The following NRXN3 variants were observed in gnomAD, a reference collection of about 807,000 sequenced individuals.
NRXN3 encodes the protein neurexin III.
A neutral mutation model predicts 137.6 loss-of-function variants in NRXN3; 32 were observed. The ratio of observed to expected loss-of-function variants is 0.23; its 90% CI spans 0.18 to 0.31. NRXN3 has a LOEUF of 0.31. NRXN3 is among the 10% of genes least tolerant of loss of function. The pLI is 1.00. For missense variants in NRXN3, 1,574 were observed against 2,062.5 expected, an observed-to-expected ratio of 0.76 and a Z score of 4.59; for synonymous variants, 798 against 784.5, an observed-to-expected ratio of 1.02 and a Z score of -0.29.
intron 10 of NRXN3, among the ~76,000 whole-genome samples, chr14:78,870,322 G>C (rs2099098200): frequency 6.6e-6 from 1 of 152,164 alleles, no homozygotes; most frequent in Non-Finnish European, 1.5e-5. Flanking sequence ...TGGCTGATCT[G>C]ATTATAAGAA....
At chr14:79,745,641 A>G (rs2154083390) in intron 19 of NRXN3, among the ~76,000 whole-genome samples, 1 of 152,200 alleles carries the variant, frequency 6.6e-6, no homozygotes, top group African/African-American at 2.4e-5. Context: ...TTAGTTTCCT[A>G]GGGCTTCTGT....
At chr14:78,461,361 T>C (rs1170641663) in intron 4 of NRXN3, among the ~76,000 whole-genome samples, 1 of 151,466 alleles carries the variant, frequency 6.6e-6, no homozygotes, top group African/African-American at 2.4e-5. Flanking sequence ...TAATCTCAAG[T>C]CTAGGGGTTT....
chr14:78,264,721 A>C (rs2153478983), intron 2 of NRXN3, among the ~76,000 whole-genome samples: 1 of 152,262 alleles, frequency 6.6e-6, no homozygotes, highest in Non-Finnish European at 1.5e-5. Flanking sequence ...GATTACTCTA[A>C]GGGGGATATT....
chr14:78,714,221 G>T, intron 7 of NRXN3, among the ~76,000 whole-genome samples: 1 of 152,188 alleles, frequency 6.6e-6, no homozygotes, highest in East Asian at 1.9e-4. Context: ...ATCTTTTGGG[G>T]GTTGGTGAGC....
intron 14 of NRXN3, among the ~76,000 whole-genome samples, chr14:78,976,257 T>C (rs1038444637): frequency 6.6e-6 from 1 of 152,188 alleles, no homozygotes; most frequent in Admixed American, 6.5e-5. Context: ...ATTCCATCTT[T>C]AATTATAACT....
chr14:79,582,486 T>G (rs1374112663), intron 16 of NRXN3, among the ~76,000 whole-genome samples: 2 of 152,178 alleles, frequency 1.3e-5, no homozygotes, highest in African/African-American at 4.8e-5. Context: ...AGTGGTGTGA[T>G]CTCAGCTCAC....
At chr14:79,207,389 T>C (rs942098704) in intron 15 of NRXN3, among the ~76,000 whole-genome samples, 1 of 152,150 alleles carries the variant, frequency 6.6e-6, no homozygotes, top group African/African-American at 2.4e-5. Flanking sequence ...TGCACATGAA[T>C]GGAAATCTGG....
chr14:79,079,324 A>G (rs1177866471), intron 15 of NRXN3, among the ~76,000 whole-genome samples: 1 of 152,210 alleles, frequency 6.6e-6, no homozygotes, highest in African/African-American at 2.4e-5. Flanking sequence ...AAAATACTTT[A>G]AGCATGTCCT....
intron 15 of NRXN3, among the ~76,000 whole-genome samples, chr14:79,094,464 G>T (rs1169879181): frequency 6.6e-6 from 1 of 152,188 alleles, no homozygotes; most frequent in Non-Finnish European, 1.5e-5. Context: ...AAGTAGATGC[G>T]ATTGAATCAC....
chr14:78,223,591 T>C (rs914708883), intron 1 of NRXN3, among the ~76,000 whole-genome samples: 1 of 152,236 alleles, frequency 6.6e-6, no homozygotes, highest in Non-Finnish European at 1.5e-5. Flanking sequence ...TGGAGGTGGA[T>C]GTTCAGGTTT....
At chr14:78,327,332 A>G (rs2153565839) in intron 4 of NRXN3, among the ~76,000 whole-genome samples, 1 of 152,228 alleles carries the variant, frequency 6.6e-6, no homozygotes, top group South Asian at 2.1e-4. Flanking sequence ...GCCTGCTGGG[A>G]AGAAAGGGAA....
intron 15 of NRXN3, among the ~76,000 whole-genome samples, chr14:79,070,439 C>G (rs1230898360): frequency 1.3e-5 from 2 of 152,198 alleles, no homozygotes; most frequent in African/African-American, 4.8e-5. Flanking sequence ...AAACAAATCA[C>G]AGCTCCATGA....
intron 10 of NRXN3, among the ~76,000 whole-genome samples, chr14:78,861,825 C>T (rs2099073160): frequency 6.6e-6 from 1 of 152,168 alleles, no homozygotes; most frequent in Non-Finnish European, 1.5e-5. Flanking sequence ...ATCAAGTTCT[C>T]ACTCAGGCTT....
intron 4 of NRXN3, among the ~76,000 whole-genome samples, 182 bp from the exon 5 acceptor site, chr14:78,644,938 C>A (rs1450563531): frequency 6.6e-6 from 1 of 152,212 alleles, no homozygotes; most frequent in African/African-American, 2.4e-5. Context: ...TCTGCAGTCA[C>A]CCCTGCTGCT....
intron 15 of NRXN3, among the ~76,000 whole-genome samples, chr14:79,012,396 A>T (rs1170505282): frequency 3.9e-5 from 6 of 152,182 alleles, no homozygotes; most frequent in Admixed American, 3.9e-4. Flanking sequence ...AAGAGGCAGA[A>T]ATAGTAGAAT....
At chr14:78,851,934 A>C (rs369394163) in intron 10 of NRXN3, among the ~76,000 whole-genome samples, 3 of 152,190 alleles carry the variant, frequency 2.0e-5, no homozygotes, top group African/African-American at 7.2e-5. Flanking sequence ...GGTTACACTT[A>C]AAATATAAAG....
intron 19 of NRXN3, among the ~76,000 whole-genome samples, chr14:79,789,716 C>A (rs766318783): frequency 1.3e-5 from 2 of 152,172 alleles, no homozygotes; most frequent in South Asian, 2.1e-4. Context: ...TCACTCTCAT[C>A]GCCATCTTGG....
chr14:79,643,512 C>A (rs532026222), intron 16 of NRXN3, among the ~76,000 whole-genome samples: 4 of 135,492 alleles, frequency 3.0e-5, no homozygotes, highest in Non-Finnish European at 6.9e-5. Flanking sequence ...TCATTTTGCT[C>A]AATGACTTCC....
At position 78,702,451 on chromosome 14, in the gene NRXN3, C is replaced by CTTTTCTTTTTTTTTTTTTTTTTTTT. The variant is rs151197180; in HGVS notation, c.1222-6764_1222-6763insTTCTTTTTTTTTTTTTTTTTTTTTT. 4.9e-5 allele frequency among the ~76,000 whole-genome samples: 6 copies of CTTTTCTTTTTTTTTTTTTTTTTTTT among 122,696 alleles called. 1 individual carries two copies. The highest frequency in any genetic ancestry group is 1.2e-4 in the African/African-American group (4 of 32,754). 80.5% of individuals were successfully genotyped at this position (122,696 alleles called of 152,430 possible). A position where few individuals can be genotyped will look rare whatever the true frequency, so the allele number is the denominator to read the frequency against. Reference sequence around the variant, plus strand: ...AAGAGAGAATCTTTCTTTTTCTTTTCTTATTTTTTTTGAGATGGAGTCTCA... The same window carrying CTTTTCTTTTTTTTTTTTTTTTTTTT: ...AAGAGAGAATCTTTCTTTTTCTTTTCTTTTCTTTTTTTTTTTTTTTTTTTTTTATTTTTTTTGAGATGGAGTCTCA... On this transcript the variant is annotated intron_variant, in intron 6 of 20. Transcript: ENST00000335750.
Sources: allele counts gnomAD v4.1 joint callset (sites outside exome capture counted in the v4.1 genomes callset), GRCh38; gene constraint gnomAD v4.1.1; transcripts MANE v1.5; gene names NCBI Gene and HGNC (gene_info 2026-07-23, HGNC 2026-07-21).